Variants in CCDC38 observed in about 807,000 individuals in gnomAD.
The protein encoded by CCDC38 is coiled-coil domain-containing protein 38.
Under a neutral mutation model 72.8 loss-of-function variants are expected in CCDC38, and 69 were observed. The observed-to-expected ratio is 0.95, with a 90% CI of 0.78 to 1.16. CCDC38 has a LOEUF of 1.16. Among genes scored for constraint, CCDC38 ranks in the 50% most tolerant of loss-of-function variants. The pLI, the probability that CCDC38 is intolerant of heterozygous loss-of-function variation, is 0.00. For missense variants in CCDC38, 626 were observed against 638.9 expected, an observed-to-expected ratio of 0.98 and a Z score of 0.22; for synonymous variants, 201 against 213.2, an observed-to-expected ratio of 0.94 and a Z score of 0.50.
chr12:95,926,747 G>T (rs2080275444), intron 2 of CCDC38, among the ~76,000 whole-genome samples: 2 of 151,264 alleles, frequency 1.3e-5, no homozygotes, highest in African/African-American at 4.9e-5. Flanking sequence ...TTGTGTCTTT[G>T]TTCTCGTTGG....
chr12:95,933,216 C>T (rs939066980), intron 2 of CCDC38: 2 of 152,008 alleles, frequency 1.3e-5, no homozygotes, highest in African/African-American at 2.4e-5. Flanking sequence ...AGATTAAAGA[C>T]TTTGTTCATC....
chr12:95,920,514 A>G (rs1342330511), intron 2 of CCDC38, among the ~76,000 whole-genome samples: 1 of 152,236 alleles, frequency 6.6e-6, no homozygotes, highest in Non-Finnish European at 1.5e-5. Context: ...AGGAACTCTT[A>G]TTTGCCCAGA....
rs533499295 is a variant in CCDC38 at position 95,913,007 on chromosome 12, G to C, written c.304+4122C>G. 6.2e-4 allele frequency among the ~76,000 whole-genome samples: 95 copies of C among 152,284 alleles called. 4 individuals are homozygous for C. The South Asian group carries it at 0.02, about 31-fold the overall frequency. On this transcript the variant is annotated intron_variant, in intron 4 of 15. Coordinates refer to ENST00000344280, the MANE Select transcript of CCDC38 (RefSeq NM_182496.3). ...CTTGAGCCAGGAGGTCGAGGCTGTAGTGAGTCATGATCACACCAATGCATT... is the reference window on the plus strand; with the variant it reads ...CTTGAGCCAGGAGGTCGAGGCTGTACTGAGTCATGATCACACCAATGCATT...
rs199581941 is a variant in CCDC38, at chr12:95,940,870, GAAAA to G, written c.-15+1557_-15+1560del. ...TTTCTGACTGCCCCTTTTGCGAAGTGAAAAAAAACAAACAAACAAACAAAAAAAA... is the reference window on the plus strand; with the variant it reads ...TTTCTGACTGCCCCTTTTGCGAAGTGAAAACAAACAAACAAACAAAAAAAA... On this transcript the variant is annotated intron_variant, in intron 1 of 15. Transcript: ENST00000344280. Among the ~76,000 whole-genome samples, 235 of 110,354 alleles carry G rather than the reference GAAAA, an allele frequency of 2.1e-3. 1 individual carries two copies. Among genetic ancestry groups the G allele is most frequent in the East Asian group, 0.012 (37 of 3,138 alleles). The allele number at this position is 110,354 out of a possible 152,430, so 72.4% of individuals were successfully genotyped here. A position where few individuals can be genotyped will look rare whatever the true frequency, so the allele number is the denominator to read the frequency against.
chr12:95,907,841 T>C (rs2080028064), intron 4 of CCDC38, among the ~76,000 whole-genome samples: 1 of 130,716 alleles, frequency 7.7e-6, no homozygotes, highest in Non-Finnish European at 1.6e-5. Context: ...TCTCAGACGA[T>C]GGGTGGCCGG....
chr12:95,925,096 T>C (rs2080254194), intron 2 of CCDC38, among the ~76,000 whole-genome samples: 1 of 151,480 alleles, frequency 6.6e-6, no homozygotes, highest in South Asian at 2.1e-4. Flanking sequence ...GGTAGCTTGA[T>C]GGGGATGGCA....
At chr12:95,932,476 G>A (rs1467235418) in intron 2 of CCDC38, among the ~76,000 whole-genome samples, 2 of 151,752 alleles carry the variant, frequency 1.3e-5, no homozygotes, top group African/African-American at 4.8e-5. Flanking sequence ...CCAATATTAA[G>A]TATCTTTTTA....
intron 13 of CCDC38, among the ~76,000 whole-genome samples, chr12:95,876,401 G>A (rs1417608047): frequency 2.6e-5 from 4 of 152,074 alleles, no homozygotes; most frequent in South Asian, 2.1e-4. Context: ...CTACTGACCC[G>A]TACATTTAAA....
chr12:95,938,715 C>A (rs931751222), intron 1 of CCDC38, among the ~76,000 whole-genome samples: 3 of 152,072 alleles, frequency 2.0e-5, no homozygotes, highest in Non-Finnish European at 4.4e-5. Flanking sequence ...GGAACAGAAC[C>A]AGTTATTGTT....
At chr12:95,892,934 A>G (rs1345966620) in intron 8 of CCDC38, among the ~76,000 whole-genome samples, 1 of 152,196 alleles carries the variant, frequency 6.6e-6, no homozygotes, top group Non-Finnish European at 1.5e-5. Flanking sequence ...CAATGCCAGT[A>G]CATGACTGTT....
At position 95,881,530 on chromosome 12, in the gene CCDC38, T is replaced by C; in HGVS notation, c.945A>G (p.Glu315=). ...CATCTAAAAGGAATTCCAAACTGTC[T>C]TCTGAACCGAAACTTTCAGCCAGGC... The part of the protein sequence containing the change: ...KSNLAESFGS[E]DSLEFLLDDE... The change falls in exon 11 of 16, where the codon GAA becomes GAG. Residue 315 remains glutamate, a synonymous_variant. Transcript: ENST00000344280. 1 of 1,609,720 alleles carries C rather than the reference T, an allele frequency of 6.2e-7. No homozygotes were observed. Among genetic ancestry groups the C allele is most frequent in the Non-Finnish European group, 8.5e-7 (1 of 1,177,922 alleles).
chr12:95,874,297 T>C (rs1258451494), intron 13 of CCDC38, among the ~76,000 whole-genome samples: 1 of 152,156 alleles, frequency 6.6e-6, no homozygotes, highest in Non-Finnish European at 1.5e-5. Flanking sequence ...TGGTTGCTAG[T>C]TGATGGAAAT....
At chr12:95,904,717 G>T (rs1030127530) in intron 5 of CCDC38, among the ~76,000 whole-genome samples, 4 of 152,176 alleles carry the variant, frequency 2.6e-5, no homozygotes, top group African/African-American at 9.7e-5. Context: ...CCATGTGGTT[G>T]ATCTGTCTCC....
intron 13 of CCDC38, among the ~76,000 whole-genome samples, chr12:95,873,654 C>G (rs922956032): frequency 1.3e-5 from 2 of 152,228 alleles, no homozygotes. Context: ...AATCACTCTT[C>G]AGGTAGCATT....
intron 9 of CCDC38, among the ~76,000 whole-genome samples, chr12:95,889,742 G>A (rs990380404): frequency 6.6e-6 from 1 of 152,106 alleles, no homozygotes; most frequent in Non-Finnish European, 1.5e-5. Flanking sequence ...GGAAGGGCAG[G>A]TAAAGGAGTG....
intron 1 of CCDC38, among the ~76,000 whole-genome samples, chr12:95,939,297 C>A (rs2080425387): frequency 6.6e-6 from 1 of 152,122 alleles, no homozygotes; most frequent in Non-Finnish European, 1.5e-5. Flanking sequence ...CCAGATGAAG[C>A]CAGAGAGACA....
At chr12:95,939,044 C>G (rs1481744664) in intron 1 of CCDC38, among the ~76,000 whole-genome samples, 1 of 152,194 alleles carries the variant, frequency 6.6e-6, no homozygotes, top group Non-Finnish European at 1.5e-5. Flanking sequence ...CTCTATGTCC[C>G]TTAATCCTCA....
intron 12 of CCDC38, among the ~76,000 whole-genome samples, chr12:95,878,817 G>T (rs1386510356): frequency 6.6e-6 from 1 of 152,144 alleles, no homozygotes; most frequent in Non-Finnish European, 1.5e-5. Context: ...TTGTGGAGGT[G>T]GGTGGAGGGC....
rs754632912 is a variant in CCDC38, at chr12:95,878,256, T to C, written c.1233A>G (p.Leu411=). 22 of 1,613,678 alleles carry C rather than the reference T, an allele frequency of 1.4e-5. No individual in the cohort carries two copies. Among genetic ancestry groups the C allele is most frequent in the Admixed American group, 3.3e-5 (2 of 60,008 alleles). The change falls in exon 13 of 16, where the codon TTA becomes TTG. Residue 411 remains leucine, a synonymous_variant. Coordinates refer to ENST00000344280, the MANE Select transcript of CCDC38 (RefSeq NM_182496.3). ...REEEKAAELQ[L]KSKLFSFGEF... ...CTCCAAAGCTAAAGAGCTTGGACTT[T>C]AATTGCAATTCTGCTGCTTTCTCTT...
Sources: gnomAD v4.1 joint callset for allele counts (sites outside exome capture counted in the v4.1 genomes callset) on GRCh38, gnomAD v4.1.1 for gene constraint, MANE v1.5 for transcripts, NCBI Gene and HGNC (gene_info 2026-07-23, HGNC 2026-07-21) for gene names.